The following SBNO2 variants were observed in gnomAD, a reference collection of about 807,000 sequenced individuals.
SBNO2 encodes strawberry notch homolog 2, also known as protein strawberry notch homolog 2.
Under a neutral mutation model 146.3 loss-of-function variants are expected in SBNO2, and 89 were observed. That is an observed-to-expected ratio of 0.61 (90% confidence interval 0.51 to 0.73). The LOEUF is 0.73. SBNO2 is among the 30% of genes least tolerant of loss of function. The probability of loss-of-function intolerance (pLI) is 0.00; values close to 1 mark genes in which losing one functional copy is unlikely to be tolerated. For synonymous variants in SBNO2, 1,147 were observed against 892.6 expected, an observed-to-expected ratio of 1.29 and a Z score of -5.08; for missense variants, 2,092 against 2,003.7, an observed-to-expected ratio of 1.04 and a Z score of -0.84.
chr19:1,117,464 G>T lies in SBNO2; in HGVS notation c.1563C>A (p.Ala521=). The T allele has an allele frequency of 6.3e-7, 1 of 1,587,942 alleles. No individual in the cohort carries two copies. Residue 521 remains alanine (A), a synonymous_variant, in exon 15 of 32, where the codon GCC becomes GCA. Coordinates refer to ENST00000361757, the MANE Select transcript of SBNO2 (RefSeq NM_014963.3). ...TGCGCGACTCCAGGCCGATCCAGTC[G>T]GCCGCCTGCTGGAACACGTTCAGGG... ...AEALNVFQQA[A]DWIGLESRKS...
chr19:1,139,156 C>G (rs1057379239), intron 4 of SBNO2, among the ~76,000 whole-genome samples: 3 of 152,256 alleles, frequency 2.0e-5, no homozygotes, highest in African/African-American at 7.2e-5. Context: ...CACGGCTCAG[C>G]CATAATCAGG....
At chr19:1,119,757 CT>C in intron 12 of SBNO2, 136 bp from the exon 13 acceptor site, 1 of 979,220 alleles carries the variant, frequency 1.0e-6, no homozygotes, top group Non-Finnish European at 1.5e-6. Flanking sequence ...CCAGCGTGGC[CT>C]TGGGACAGGC....
At chr19:1,113,064 A>ACCT in intron 19 of SBNO2, 115 bp from the exon 20 acceptor site, 1 of 1,253,926 alleles carries the variant, frequency 8.0e-7, no homozygotes, top group Non-Finnish European at 1.1e-6. Flanking sequence ...CCAGCTGTGC[A>ACCT]CGGGAGGTGG....
intron 1 of SBNO2, among the ~76,000 whole-genome samples, chr19:1,165,908 A>C (rs1181041489): frequency 2.3e-5 from 2 of 87,354 alleles, no homozygotes; most frequent in Non-Finnish European, 4.8e-5. Context: ...TCAGACCCCC[A>C]GACCCCAGAT....
rs2080230688 is a variant in SBNO2, at chr19:1,150,340, G to A, written c.94-898C>T. ...TCAGCACCTGCGGCTTCGGGGGCAG[G>A]GCTGTGGACACCTCGTGCCCTGCAG... On this transcript the variant is annotated intron_variant, in intron 2 of 31. Transcript: ENST00000361757. The surrounding 1 kb of genome is among the most constrained non-coding windows in gnomAD (Gnocchi z 6.2). Among the ~76,000 whole-genome samples the A allele has an allele frequency of 6.6e-6, 1 of 152,122 alleles. No individual in the cohort carries two copies. The highest frequency in any genetic ancestry group is 6.5e-5 in the Admixed American group (1 of 15,280).
At position 1,122,110 on chromosome 19, in the gene SBNO2, T is replaced by C. The variant is rs1599839105; in HGVS notation, c.1149+29A>G. 13 of 944,864 alleles carry C rather than the reference T, an allele frequency of 1.4e-5. No homozygotes were observed. In the South Asian group the frequency reaches 1.8e-4, roughly 13 times the overall value. 58.5% of individuals were successfully genotyped at this position (944,864 alleles called of 1,614,324 possible). The stretch of plus-strand genomic sequence containing the variant: ...TCCCTCCGACCCCCTAATCCAGCCC[T>C]CCCCTCCCGATTGCCCCCAGCAGGA... On this transcript the variant is annotated intron_variant, in intron 11 of 31. Transcript: ENST00000361757.
Position 1,122,210 on chromosome 19 carries a change from G to A in SBNO2, c.1078C>T (p.Gln360Ter). The A allele has an allele frequency of 6.4e-7, 1 of 1,565,336 alleles. No homozygotes were observed. The highest frequency in any genetic ancestry group is 8.6e-7 in the Non-Finnish European group (1 of 1,156,490). The change falls in exon 11 of 32, where the codon CAG becomes TAG. Residue 360 changes from glutamine to a stop codon, truncating the protein, a stop_gained. Transcript: ENST00000361757. LOFTEE classifies it high-confidence loss of function. ...ATYSALIGES[Q>*]AGGQHRTRLR... ...CGAGTGCGGTGCTGGCCGCCGGCCT[G>A]GCTCTCCCCAATCAGGGCGGAGTAG...
Position 1,116,027 on chromosome 19 carries a change from G to T in SBNO2, c.1879C>A (p.Arg627=), listed in dbSNP as rs574165462. 6.8e-6 allele frequency: 11 copies of T among 1,609,562 alleles called. No homozygotes were observed. The South Asian group carries it at 1.1e-4, about 16-fold the overall frequency. ...CATGGGGGGCAGGGCTTACGTTTCC[G>T]CTTGCTGCCCGCTCCTCTGTCCCGC... is the stretch of plus-strand genomic sequence containing the variant. The part of the protein sequence containing the change: ...RKRDRGAGSK[R]KRRPRGRGAK... The change falls in exon 17 of 32, where the codon CGG becomes AGG. Residue 627 remains arginine, a synonymous_variant. Transcript: ENST00000361757.
At chr19:1,166,456 G>T (rs1375486026) in intron 1 of SBNO2, among the ~76,000 whole-genome samples, 1 of 152,194 alleles carries the variant, frequency 6.6e-6, no homozygotes, top group Non-Finnish European at 1.5e-5. Flanking sequence ...CTTCCACGCG[G>T]CTTCTGCTGC....
chr19:1,162,731 C>T (rs2080361330), intron 1 of SBNO2, among the ~76,000 whole-genome samples: 1 of 152,222 alleles, frequency 6.6e-6, no homozygotes, highest in Admixed American at 6.5e-5. Context: ...GGTCTAGCCC[C>T]TCATCTGACA....
At chr19:1,146,525 C>G (rs2080191415) in intron 4 of SBNO2, among the ~76,000 whole-genome samples, 1 of 152,080 alleles carries the variant, frequency 6.6e-6, no homozygotes, top group Non-Finnish European at 1.5e-5. Flanking sequence ...CTTGGGGGAG[C>G]TGAGCACCAG....
intron 13 of SBNO2, 22 bp downstream of exon 13, chr19:1,119,494 C>T (rs749667707): frequency 2.0e-5 from 31 of 1,541,806 alleles, no homozygotes; most frequent in Non-Finnish European, 2.4e-5. Flanking sequence ...CGCCCCTCCA[C>T]GTGGGTGAGA....
chr19:1,148,260 G>A (rs934724298), intron 3 of SBNO2, among the ~76,000 whole-genome samples: 2 of 152,022 alleles, frequency 1.3e-5, no homozygotes, highest in Non-Finnish European at 2.9e-5. Flanking sequence ...CTCCTGCATA[G>A]AAAGGTTTGC....
intron 3 of SBNO2, 21 bp from the exon 4 acceptor site, chr19:1,147,441 G>GGGA (rs1555725756): frequency 3.3e-6 from 4 of 1,203,456 alleles, no homozygotes; most frequent in Middle Eastern, 2.8e-4. Context: ...ATGGGGGGGG[G>GGGA]GGAGGTGAGA....
At chr19:1,167,397 C>G (rs1347992448) in intron 1 of SBNO2, among the ~76,000 whole-genome samples, 1 of 152,264 alleles carries the variant, frequency 6.6e-6, no homozygotes, top group African/African-American at 2.4e-5. Context: ...CAAGGCACTG[C>G]TGTCCTGGGC....
chr19:1,115,176 C>T (rs969749624), intron 17 of SBNO2, among the ~76,000 whole-genome samples: 14 of 151,496 alleles, frequency 9.2e-5, no homozygotes, highest in African/African-American at 3.2e-4. Flanking sequence ...GTGATTTGCC[C>T]GCCTCAGCCT....
chr19:1,153,889 G>GC (rs1043979403), intron 2 of SBNO2, among the ~76,000 whole-genome samples: 8 of 152,098 alleles, frequency 5.3e-5, no homozygotes, highest in Admixed American at 2.6e-4. Context: ...GTAAAGTTGA[G>GC]CCCCCCCTAC....
At chr19:1,141,023 T>C (rs111834227) in intron 4 of SBNO2, among the ~76,000 whole-genome samples, 5,551 of 149,046 alleles carry the variant, frequency 0.037, 337 homozygotes, top group African/African-American at 0.13. Flanking sequence ...AGACACACCC[T>C]GGAGAAGACG....
chr19:1,127,372 G>A (rs895692729), intron 5 of SBNO2, among the ~76,000 whole-genome samples: 2 of 152,196 alleles, frequency 1.3e-5, no homozygotes, highest in Non-Finnish European at 2.9e-5. Flanking sequence ...CAGGAGCACC[G>A]CCCAGATGTG....
Sources: gnomAD v4.1 joint callset for allele counts (sites outside exome capture counted in the v4.1 genomes callset) on GRCh38, gnomAD v4.1.1 for gene constraint, Gnocchi (gnomAD v3.1) non-coding constraint, MANE v1.5 for transcripts, NCBI Gene and HGNC (gene_info 2026-07-23, HGNC 2026-07-21) for gene names.